ZNF568: variants seen among roughly 807,000 people sequenced by gnomAD.
ZNF568 encodes the protein p53 inhibitor of SCO2 activation.
In ZNF568, 11 loss-of-function variants were observed where a neutral mutation model predicts 18.1. The ratio of observed to expected loss-of-function variants is 0.61; its 90% confidence interval spans 0.38 to 1.00. The LOEUF is 1.00. ZNF568 is among the 50% of genes least tolerant of loss of function. The pLI, the probability that ZNF568 is intolerant of heterozygous loss-of-function variation, is 0.01. For missense variants in ZNF568, 639 were observed against 768.2 expected (o/e 0.83, Z 1.99); for synonymous variants, 213 against 246.6 (o/e 0.86, Z 1.28).
At chr19:36,968,510 C>T (rs1053748644) in intron 6 of ZNF568, among the ~76,000 whole-genome samples, 2 of 148,034 alleles carry the variant, frequency 1.4e-5, no homozygotes, top group Admixed American at 6.8e-5. Flanking sequence ...CGCCACTGCA[C>T]TCCAGCCTGG....
At chr19:36,982,688 A>G (rs969845077), downstream of ZNF568, among the ~76,000 whole-genome samples, 3 of 152,204 alleles carry the variant, frequency 2.0e-5, no homozygotes, top group Non-Finnish European at 4.4e-5. Context: ...CCTGGGTGAC[A>G]AGAGCAAAAT....
intron 6 of ZNF568, among the ~76,000 whole-genome samples, chr19:36,972,942 C>G (rs900407070): frequency 6.6e-6 from 1 of 152,238 alleles, no homozygotes; most frequent in Non-Finnish European, 1.5e-5. Flanking sequence ...GAAGCCTCCA[C>G]GGCCCCACAG....
rs145475382 is a variant in ZNF568 at position 36,994,149 on chromosome 19, T to C, written c.230-2168T>C. On this transcript the variant is annotated intron_variant, in intron 4 of 4. Coordinates refer to the ZNF568 transcript ENST00000433993. ...ATCTCAAAATATTTTTTAATTTTCTTCATGATTTCTTTAACACGTTGGTTA... is the reference window on the plus strand; with the variant it reads ...ATCTCAAAATATTTTTTAATTTTCTCCATGATTTCTTTAACACGTTGGTTA... 2.6e-5 allele frequency among the ~76,000 whole-genome samples: 4 copies of C among 152,302 alleles called. No homozygotes were observed. In the East Asian group the frequency reaches 7.7e-4, roughly 29 times the overall value.
At chr19:36,997,570 C>T (rs1644698), downstream of ZNF568, 4 of 1,578,864 alleles carry the variant, frequency 2.5e-6, no homozygotes, top group Non-Finnish European at 3.4e-6. Flanking sequence ...GTGTGGGAAG[C>T]CCTTTGGTGG....
chr19:36,960,620 C>T (rs1231758324), intron 6 of ZNF568, among the ~76,000 whole-genome samples: 1 of 151,550 alleles, frequency 6.6e-6, no homozygotes. Flanking sequence ...CCCAGCTACT[C>T]GGGAGGCTGA....
intron 2 of ZNF568, among the ~76,000 whole-genome samples, chr19:36,987,592 AAGT>A: frequency 2.9e-5 from 1 of 34,190 alleles, no homozygotes; most frequent in South Asian, 8.5e-4. Context: ...GGGCTCCCTC[AAGT>A]CTTTGGGGTG....
intron 2 of ZNF568, among the ~76,000 whole-genome samples, chr19:36,921,237 A>C (rs1299819173): frequency 6.6e-6 from 1 of 152,098 alleles, no homozygotes; most frequent in Non-Finnish European, 1.5e-5. Context: ...TGAGGCCAGC[A>C]GATCACCTGA....
chr19:36,971,851 T>A (rs1207818506), intron 6 of ZNF568, among the ~76,000 whole-genome samples: 1 of 150,680 alleles, frequency 6.6e-6, no homozygotes, highest in Non-Finnish European at 1.5e-5. Context: ...TATAACTTTT[T>A]TTTTTTTTTG....
At position 36,949,498 on chromosome 19, in the gene ZNF568, G is replaced by T. The variant is rs1215007389; in HGVS notation, c.359-14G>T. 2 of 1,542,704 alleles carry T rather than the reference G, an allele frequency of 1.3e-6. No individual in the cohort carries two copies. Among genetic ancestry groups the T allele is most frequent in the African/African-American group, 1.4e-5 (1 of 72,186 alleles). On this transcript the variant is annotated splice_polypyrimidine_tract_variant and intron_variant, in intron 6 of 6. Coordinates refer to ENST00000333987, the MANE Select transcript of ZNF568 (RefSeq NM_198539.4). ...AATAATTCACAAGTAATAATTTCTG[G>T]TCCTCCATTTTAGAAGTTTGGGAAG...
downstream of ZNF568, among the ~76,000 whole-genome samples, chr19:36,982,562 C>G (rs114890446): frequency 6.7e-3 from 1,015 of 152,010 alleles, 12 homozygotes; most frequent in African/African-American, 0.023. Flanking sequence ...AAAAATTAGC[C>G]GAGCGAGGTG....
At chr19:36,996,400 A>C in exon 5 of ZNF568, 1 of 1,536,338 alleles carries the variant, frequency 6.5e-7, no homozygotes, top group East Asian at 2.4e-5. Flanking sequence ...GGAGAAGGCC[A>C]GAGTTATCAG....
intron 4 of ZNF568, among the ~76,000 whole-genome samples, chr19:36,934,372 G>T (rs1358234486): frequency 6.8e-6 from 1 of 148,108 alleles, no homozygotes; most frequent in Non-Finnish European, 1.5e-5. Flanking sequence ...GCAGTGGCAT[G>T]ATCATGGCTC....
At chr19:36,927,886 ATTATATATATATATATATTTTTTTTT>A (rs2073596385) in intron 4 of ZNF568, among the ~76,000 whole-genome samples, 3 of 48,216 alleles carry the variant, frequency 6.2e-5, no homozygotes, top group Admixed American at 3.5e-4. Flanking sequence ...ATATATATAT[ATTATATATATATATATATTTTTTTTT>A]TTTTTTTTTT....
chr19:36,987,555 C>T (rs2074386299), intron 2 of ZNF568, among the ~76,000 whole-genome samples: 1 of 151,848 alleles, frequency 6.6e-6, no homozygotes, highest in Admixed American at 6.6e-5. Context: ...TGGGCCTGCC[C>T]AGGTATCCTG....
chr19:36,963,312 T>C (rs557800808), intron 6 of ZNF568, among the ~76,000 whole-genome samples: 6 of 152,336 alleles, frequency 3.9e-5, no homozygotes, highest in Admixed American at 2.6e-4. Context: ...TAGCTTCATT[T>C]TTCTTAGCTT....
chr19:36,954,661 C>T (rs753946028), downstream of ZNF568, among the ~76,000 whole-genome samples: 15 of 151,708 alleles, frequency 9.9e-5, no homozygotes, highest in African/African-American at 1.5e-4. Flanking sequence ...CCTCTGCCTC[C>T]GGGTTCAAGT....
intron 6 of ZNF568, among the ~76,000 whole-genome samples, chr19:36,965,427 G>C (rs758406350): frequency 2.0e-5 from 3 of 152,118 alleles, no homozygotes; most frequent in Non-Finnish European, 4.4e-5. Context: ...CTTTTCCCTT[G>C]ATTTTTGTCA....
At chr19:36,976,595 G>A (rs1215572712) in intron 7 of ZNF568, among the ~76,000 whole-genome samples, 3 of 152,040 alleles carry the variant, frequency 2.0e-5, no homozygotes, top group South Asian at 2.1e-4. Context: ...CAAGTCACTC[G>A]CCTCAAAGTT....
intron 6 of ZNF568, among the ~76,000 whole-genome samples, chr19:36,948,658 A>ATTTTTTTTTTTTTTTGTTTTTTTTTTTT (rs2074005317): frequency 1.2e-5 from 1 of 83,576 alleles, no homozygotes; most frequent in African/African-American, 4.8e-5. Flanking sequence ...TTTGTTGTTG[A>ATTTTTTTTTTTTTTTGTTTTTTTTTTTT]TTTTTTTTTT....
Sources: allele counts gnomAD v4.1 joint callset (sites outside exome capture counted in the v4.1 genomes callset), GRCh38; gene constraint gnomAD v4.1.1; transcripts MANE v1.5; gene names NCBI Gene and HGNC (gene_info 2026-07-23, HGNC 2026-07-21).